Variants in TUT4 observed in about 807,000 individuals in gnomAD.
The protein encoded by TUT4 is terminal uridylyltransferase 4.
TUT4 carries 36 observed loss-of-function variants against 192.2 expected under a neutral mutation model. The ratio of observed to expected loss-of-function variants is 0.19; its 90% CI spans 0.14 to 0.25. TUT4 has a LOEUF of 0.25. Ranked by LOEUF, TUT4 falls within the 10% of genes least tolerant of loss-of-function variation. The pLI is 1.00. For synonymous variants in TUT4, 618 were observed against 666.0 expected (o/e 0.93, Z 1.11); for missense variants, 1,493 against 1,957.2 (o/e 0.76, Z 4.47).
rs769534586 is a variant in TUT4 at position 52,525,947 on chromosome 1, T to C, written c.334A>G (p.Thr112Ala). The change falls in exon 2 of 30, where the codon ACC (threonine) becomes GCC (alanine). Residue 112 changes from threonine (T) to alanine (A), a missense_variant. By Grantham distance (58) the Thr-to-Ala change is moderately conservative. This residue lies in a region of TUT4 where 260 missense variants were observed against 247.8 expected (regional missense o/e 1.05). Transcript: ENST00000257177. ...TTTTCTGATTTTGCCTGTGAAATGG[T>C]TGCCTTTTCGGCTTTCACCGGTGAA... ...PNSPVKAEKATISQAKSEKAT... is the reference protein window; with the variant it reads ...PNSPVKAEKAAISQAKSEKAT... 1.5e-5 allele frequency: 24 copies of C among 1,614,072 alleles called. No homozygotes were observed. Among genetic ancestry groups the C allele is most frequent in the Non-Finnish European group, 1.9e-5 (22 of 1,180,026 alleles).
At chr1:52,443,938 A>G (rs1054559751) in intron 24 of TUT4, among the ~76,000 whole-genome samples, 1 of 152,134 alleles carries the variant, frequency 6.6e-6, no homozygotes, top group Non-Finnish European at 1.5e-5. Context: ...TATTTCAATT[A>G]AAATATTAGT....
At chr1:52,438,137 A>T in intron 25 of TUT4, 83 bp downstream of exon 25, 2 of 1,104,840 alleles carry the variant, frequency 1.8e-6, no homozygotes, top group Non-Finnish European at 2.7e-6. Context: ...TTTCTCAGTT[A>T]AACATTTCTG....
intron 1 of TUT4, among the ~76,000 whole-genome samples, chr1:52,544,910 G>A (rs929970564): frequency 3.3e-5 from 5 of 151,754 alleles, no homozygotes; most frequent in African/African-American, 1.2e-4. Flanking sequence ...CTTAAAATTC[G>A]AGTGTCGTGG....
At chr1:52,494,224 G>T (rs1020946899) in intron 6 of TUT4, among the ~76,000 whole-genome samples, 4 of 152,118 alleles carry the variant, frequency 2.6e-5, no homozygotes, top group South Asian at 2.1e-4. Context: ...AAAGGTTCTG[G>T]AATTTCCCAT....
At chr1:52,495,550 G>T in intron 5 of TUT4, 35 bp from the exon 6 acceptor site, 2 of 1,493,570 alleles carry the variant, frequency 1.3e-6, no homozygotes, top group Non-Finnish European at 1.8e-6. Flanking sequence ...GCATGAAATA[G>T]CATGCAAATA....
At chr1:52,508,647 G>A (rs1444600960) in intron 4 of TUT4, among the ~76,000 whole-genome samples, 2 of 152,170 alleles carry the variant, frequency 1.3e-5, no homozygotes, top group Non-Finnish European at 2.9e-5. Flanking sequence ...CAAAATATGT[G>A]GAAGTTGTTA....
At chr1:52,477,924 C>A (rs1412278298) in intron 11 of TUT4, 42 bp from the exon 12 acceptor site, 32 of 1,481,636 alleles carry the variant, frequency 2.2e-5, no homozygotes, top group Non-Finnish European at 2.7e-5. Context: ...TTAACAAAAC[C>A]ATAAAAATCA....
Position 52,481,538 on chromosome 1 carries a change from G to C in TUT4, c.1733C>G (p.Thr578Ser), listed in dbSNP as rs1202937450. The change falls in exon 11 of 30, where the codon ACT (threonine) becomes AGT (serine). Residue 578 changes from threonine to serine, a missense_variant. Physicochemically the swap from Thr to Ser is moderately conservative, Grantham distance 58 (BLOSUM62 1). Around this residue, in one of 7 missense-constraint regions of TUT4, gnomAD observed 437 missense variants for 577.6 expected, o/e 0.76. Transcript: ENST00000257177. ...TTCCTCAGCAATTGAGTTTTTCTCA[G>C]TTGCACTACTTGAATTACATTCCCA... Reference protein sequence around the residue: ...VKWECNSSSATEKNSIAEENK... With the variant: ...VKWECNSSSASEKNSIAEENK... 1 of 1,613,740 alleles carries C rather than the reference G, an allele frequency of 6.2e-7. No individual in the cohort carries two copies. The highest frequency in any genetic ancestry group is 8.5e-7 in the Non-Finnish European group (1 of 1,179,942).
chr1:52,509,531 A>G (rs1325721664), intron 4 of TUT4, 65 bp downstream of exon 4: 2 of 951,504 alleles, frequency 2.1e-6, no homozygotes, highest in Non-Finnish European at 3.2e-6. Context: ...TTCACAAATA[A>G]AAAATATTCA....
chr1:52,536,903 C>T (rs865829650), intron 1 of TUT4, among the ~76,000 whole-genome samples: 22 of 151,890 alleles, frequency 1.4e-4, no homozygotes, highest in Admixed American at 3.3e-4. Flanking sequence ...CGGTGGCTCA[C>T]GCCTGTAATC....
intron 3 of TUT4, among the ~76,000 whole-genome samples, chr1:52,512,814 G>A (rs1309636838): frequency 6.6e-6 from 1 of 151,658 alleles, no homozygotes; most frequent in African/African-American, 2.4e-5. Flanking sequence ...TTCTTCTTTG[G>A]TACAGAGCAA....
chr1:52,485,311 T>C (rs1001817258), intron 9 of TUT4, among the ~76,000 whole-genome samples: 1 of 152,238 alleles, frequency 6.6e-6, no homozygotes, highest in Non-Finnish European at 1.5e-5. Context: ...CACTTTTGTA[T>C]ATTTATCTTG....
intron 2 of TUT4, among the ~76,000 whole-genome samples, chr1:52,523,122 A>T (rs2149435555): frequency 6.7e-6 from 1 of 148,664 alleles, no homozygotes; most frequent in Admixed American, 6.8e-5. Context: ...CCTCCCGAGT[A>T]GCTTAGATTA....
intron 20 of TUT4, among the ~76,000 whole-genome samples, chr1:52,454,345 A>C (rs576060791): frequency 6.6e-6 from 1 of 152,252 alleles, no homozygotes; most frequent in Non-Finnish European, 1.5e-5. Context: ...ACTACTATAA[A>C]TAAGAGAGTA....
At position 52,476,709 on chromosome 1, in the gene TUT4, T is replaced by C. The variant is rs541112568; in HGVS notation, c.2023+999A>G. ...TATGGCTGGCAGGCTTCAGAGCTCA[T>C]TTATTTACTATATATAAGAGTACAA... is the stretch of plus-strand genomic sequence containing the variant. On this transcript the variant is annotated intron_variant, in intron 12 of 29. Coordinates refer to ENST00000257177, the MANE Select transcript of TUT4 (RefSeq NM_001009881.3). 1.9e-4 allele frequency among the ~76,000 whole-genome samples: 29 copies of C among 152,298 alleles called. No individual in the cohort carries two copies. The South Asian group carries it at 3.9e-3, about 21-fold the overall frequency.
chr1:52,446,477 T>C, intron 21 of TUT4, 35 bp from the exon 22 acceptor site: 1 of 1,566,728 alleles, frequency 6.4e-7, no homozygotes, highest in Non-Finnish European at 8.6e-7. Context: ...GAACAATGTC[T>C]ATACAGTACT....
At chr1:52,514,267 C>A (rs902261078) in intron 3 of TUT4, among the ~76,000 whole-genome samples, 24 of 152,188 alleles carry the variant, frequency 1.6e-4, no homozygotes, top group African/African-American at 5.5e-4. Flanking sequence ...ATAGTGAAAC[C>A]CCGTCTCTAC....
rs1571297509 is a variant in TUT4, at chr1:52,526,436, T to C, written c.-93-63A>G. The C allele has an allele frequency of 7.8e-6, 5 of 640,970 alleles. No homozygotes were observed. The East Asian group carries it at 1.8e-4, about 24-fold the overall frequency. 39.7% of individuals were successfully genotyped at this position (640,970 alleles called of 1,614,324 possible). On this transcript the variant is annotated intron_variant, in intron 1 of 29. Transcript: ENST00000257177. ...AAATGCAAAAACAATTTTTTATGGT[T>C]AGACATTAAAAAACAATTTTTTAAA...
intron 1 of TUT4, among the ~76,000 whole-genome samples, chr1:52,551,595 T>C (rs1370157576): frequency 6.6e-6 from 1 of 152,246 alleles, no homozygotes; most frequent in Non-Finnish European, 1.5e-5. Context: ...CAATATTTCA[T>C]TTTACCAGTT....
Sources: gnomAD v4.1 joint callset for allele counts (sites outside exome capture counted in the v4.1 genomes callset) on GRCh38, gnomAD v4.1.1 for gene constraint, gnomAD v4.1.1 regional missense constraint, MANE v1.5 for transcripts, NCBI Gene and HGNC (gene_info 2026-07-23, HGNC 2026-07-21) for gene names.